The following BCAS3 variants were observed in gnomAD, a reference collection of about 807,000 sequenced individuals.
BCAS3 encodes the protein BCAS4/BCAS3 fusion.
In BCAS3, 53 loss-of-function variants were observed where a neutral mutation model predicts 116.1. That is an observed-to-expected ratio of 0.46 (90% confidence interval 0.37 to 0.57). BCAS3 has a LOEUF of 0.57. Among genes scored for constraint, BCAS3 ranks in the 20% least tolerant of loss-of-function variants. The probability of loss-of-function intolerance (pLI) is 0.00; values close to 1 mark genes in which losing one functional copy is unlikely to be tolerated. For synonymous variants in BCAS3, 391 were observed against 408.2 expected, an observed-to-expected ratio of 0.96 and a Z score of 0.51; for missense variants, 917 against 1,165.4, an observed-to-expected ratio of 0.79 and a Z score of 3.10.
Position 61,390,303 on chromosome 17 carries a change from C to A in BCAS3, c.2594-1674C>A, listed in dbSNP as rs2060069280. 6.6e-6 allele frequency: 1 copy of A among 152,282 alleles called. No homozygotes were observed. The highest frequency in any genetic ancestry group is 2.4e-5 in the African/African-American group (1 of 41,438). The allele number at this position is 152,282 out of a possible 1,614,324, so 9.4% of individuals were successfully genotyped here. A position where few individuals can be genotyped will look rare whatever the true frequency, so the allele number is the denominator to read the frequency against. ...CCATCTCATGGCACGATGGCCTGTC[C>A]CCCCAGATTAGGGTGATACTGAAGG... is the stretch of plus-strand genomic sequence containing the variant. On this transcript the variant is annotated intron_variant, in intron 23 of 23. Transcript: ENST00000407086. The surrounding 1 kb of genome is among the most constrained non-coding windows in gnomAD (Gnocchi z 6.8).
rs2071596816 is a variant in BCAS3 at position 61,073,155 on chromosome 17, T to G, written c.2030-1765T>G. On this transcript the variant is annotated intron_variant, in intron 19 of 23. Transcript: ENST00000407086. The surrounding 1 kb of genome is among the most constrained non-coding windows in gnomAD (Gnocchi z 4.6). ...TGAAATAATAGTTATTGTGATATTC[T>G]TTTCTTCTTGATATAATTTGTCATC... Among the ~76,000 whole-genome samples the G allele has an allele frequency of 6.6e-6, 1 of 152,232 alleles. No homozygotes were observed. Among genetic ancestry groups the G allele is most frequent in the African/African-American group, 2.4e-5 (1 of 41,464 alleles).
chr17:61,180,677 C>T lies in BCAS3; in HGVS notation c.2425+96113C>T, dbSNP rs546274528. On this transcript the variant is annotated intron_variant, in intron 22 of 23. Transcript: ENST00000407086. The surrounding 1 kb of genome is among the most constrained non-coding windows in gnomAD (Gnocchi z 6.0). ...CTGTCTGAGGAGCATCAGTCCCATG[C>T]TTCGTGTCTGCACAGTGGAACATAA... is the stretch of plus-strand genomic sequence containing the variant. Among the ~76,000 whole-genome samples the T allele has an allele frequency of 3.9e-5, 6 of 152,350 alleles. No individual in the cohort carries two copies. Among genetic ancestry groups the T allele is most frequent in the South Asian group, 2.1e-4 (1 of 4,832 alleles).
chr17:60,869,071 A>C (rs1175181780), intron 8 of BCAS3, among the ~76,000 whole-genome samples: 1 of 152,212 alleles, frequency 6.6e-6, no homozygotes, highest in Non-Finnish European at 1.5e-5. Flanking sequence ...GAAACCACCA[A>C]AATTTTTGAA....
intron 12 of BCAS3, among the ~76,000 whole-genome samples, chr17:60,919,058 A>T (rs1344364364): frequency 6.6e-6 from 1 of 152,078 alleles, no homozygotes. Flanking sequence ...GTTCTTTCTT[A>T]TGAGATCTAT....
chr17:60,976,020 C>CTTTTTTTTT lies in BCAS3; in HGVS notation c.1222-13939_1222-13931dup, dbSNP rs755966067. ...GCAAACATTTGTATATAGATTTTTGCTTTTTTTTTTTTTTTTTTTTCTTTT... is the reference window on the plus strand; with the variant it reads ...GCAAACATTTGTATATAGATTTTTGCTTTTTTTTTTTTTTTTTTTTTTTTTTTTTCTTTT... On this transcript the variant is annotated intron_variant, in intron 14 of 23. Coordinates refer to ENST00000407086, the MANE Select transcript of BCAS3 (RefSeq NM_017679.5). Among the ~76,000 whole-genome samples, 381 of 98,298 alleles carry CTTTTTTTTT rather than the reference C, an allele frequency of 3.9e-3. 16 individuals are homozygous for CTTTTTTTTT. The highest frequency in any genetic ancestry group is 4.9e-3 in the East Asian group (14 of 2,842). The allele number at this position is 98,298 out of a possible 152,430, so 64.5% of individuals were successfully genotyped here. A position where few individuals can be genotyped will look rare whatever the true frequency, so the allele number is the denominator to read the frequency against.
chr17:61,083,684 T>C lies in BCAS3; in HGVS notation c.2328-783T>C, dbSNP rs552182903. Among the ~76,000 whole-genome samples, 6 of 151,368 alleles carry C rather than the reference T, an allele frequency of 4.0e-5. No individual in the cohort carries two copies. The highest frequency in any genetic ancestry group is 7.3e-5 in the African/African-American group (3 of 41,288). ...GATCTTGGCTCATTGCAACCTCTGG[T>C]TTTTGGGTTCCAGCAGTTCTCCTGC... On this transcript the variant is annotated intron_variant, in intron 21 of 23. Coordinates refer to ENST00000407086, the MANE Select transcript of BCAS3 (RefSeq NM_017679.5). The surrounding 1 kb of genome is among the most constrained non-coding windows in gnomAD (Gnocchi z 4.9).
At chr17:61,046,801 G>T (rs2059993525) in intron 19 of BCAS3, among the ~76,000 whole-genome samples, 1 of 151,792 alleles carries the variant, frequency 6.6e-6, no homozygotes, top group African/African-American at 2.4e-5. Context: ...TGTGTGTTTG[G>T]ATCTGTGGAT....
rs1274236501 is a variant in BCAS3, at chr17:61,220,473, T to C, written c.2425+135909T>C. Among the ~76,000 whole-genome samples, 1 of 152,196 alleles carries C rather than the reference T, an allele frequency of 6.6e-6. No individual in the cohort carries two copies. The highest frequency in any genetic ancestry group is 6.5e-5 in the Admixed American group (1 of 15,284). ...TTGGTTCCATTATTTGATCTTCAGA[T>C]TCAACAAAGTAGCCGAATTCTCAAC... is the stretch of plus-strand genomic sequence containing the variant. On this transcript the variant is annotated intron_variant, in intron 22 of 23. Coordinates refer to ENST00000407086, the MANE Select transcript of BCAS3 (RefSeq NM_017679.5). This position sits in a 1 kb window ranked among gnomAD's most constrained non-coding sequence, Gnocchi z 4.5.
intron 7 of BCAS3, among the ~76,000 whole-genome samples, chr17:60,855,592 C>T (rs912945196): frequency 6.6e-6 from 1 of 150,894 alleles, no homozygotes; most frequent in African/African-American, 2.4e-5. Context: ...ATAGCTGGGA[C>T]TACAGGTGTG....
chr17:61,180,988 T>A lies in BCAS3; in HGVS notation c.2425+96424T>A, dbSNP rs1568522342. ...ATCTTAGCACTTTGGGAGGCTGGGG[T>A]GGGGGGATCACTTGAGCCCAAGAGT... On this transcript the variant is annotated intron_variant, in intron 22 of 23. Coordinates refer to ENST00000407086, the MANE Select transcript of BCAS3 (RefSeq NM_017679.5). The surrounding 1 kb of genome is among the most constrained non-coding windows in gnomAD (Gnocchi z 6.0). 6.6e-6 allele frequency among the ~76,000 whole-genome samples: 1 copy of A among 151,466 alleles called. No homozygotes were observed. Among genetic ancestry groups the A allele is most frequent in the Admixed American group, 6.6e-5 (1 of 15,184 alleles).
chr17:61,299,725 C>T (rs1046730814), intron 22 of BCAS3, among the ~76,000 whole-genome samples: 1 of 152,160 alleles, frequency 6.6e-6, no homozygotes, highest in Non-Finnish European at 1.5e-5. Context: ...GGATTAGGAA[C>T]AATCCAGGTG....
At chr17:60,941,248 A>C (rs2060206827) in intron 13 of BCAS3, among the ~76,000 whole-genome samples, 2 of 152,312 alleles carry the variant, frequency 1.3e-5, no homozygotes, top group African/African-American at 4.8e-5. Context: ...TTGTATTCCC[A>C]GATGACGCAA....
At chr17:60,911,789 A>T (rs2058529601) in intron 12 of BCAS3, among the ~76,000 whole-genome samples, 3 of 152,254 alleles carry the variant, frequency 2.0e-5, no homozygotes, top group Admixed American at 2.0e-4. Context: ...ATTTATAAAC[A>T]AATTAATTAA....
intron 14 of BCAS3, among the ~76,000 whole-genome samples, chr17:60,951,783 T>C (rs1262341121): frequency 6.8e-6 from 1 of 146,790 alleles, no homozygotes; most frequent in African/African-American, 2.5e-5. Flanking sequence ...TTTTTTTTTT[T>C]TTTCTTTGGA....
At chr17:60,935,801 T>G (rs895986631) in intron 13 of BCAS3, among the ~76,000 whole-genome samples, 2 of 152,186 alleles carry the variant, frequency 1.3e-5, no homozygotes, top group Non-Finnish European at 2.9e-5. Flanking sequence ...TATTTTCATT[T>G]AAGTACTATG....
chr17:60,849,386 G>C (rs1176390787), intron 7 of BCAS3, among the ~76,000 whole-genome samples: 4 of 151,328 alleles, frequency 2.6e-5, no homozygotes, highest in Admixed American at 1.3e-4. Context: ...GCATGAACTA[G>C]TCTATTTATA....
rs1245456766 is a variant in BCAS3, at chr17:61,226,110, G to T, written c.2425+141546G>T. ...GTCGAGAGTCCCAGCTGCTTGGGGG[G>T]CTAAGGTGGGAGGATCATTTGAGCC... On this transcript the variant is annotated intron_variant, in intron 22 of 23. Coordinates refer to ENST00000407086, the MANE Select transcript of BCAS3 (RefSeq NM_017679.5). This position sits in a 1 kb window ranked among gnomAD's most constrained non-coding sequence, Gnocchi z 6.0. Among the ~76,000 whole-genome samples the T allele has an allele frequency of 5.3e-5, 8 of 152,160 alleles. No individual in the cohort carries two copies. Among genetic ancestry groups the T allele is most frequent in the Admixed American group, 4.6e-4 (7 of 15,280 alleles).
intron 6 of BCAS3, among the ~76,000 whole-genome samples, chr17:60,753,058 A>G (rs750643402): frequency 2.0e-5 from 3 of 152,112 alleles, no homozygotes; most frequent in Non-Finnish European, 4.4e-5. Context: ...TGCCCAGGCT[A>G]GTCTTGAACC....
chr17:61,305,356 CA>C (rs933151119), intron 22 of BCAS3, among the ~76,000 whole-genome samples: 7 of 152,136 alleles, frequency 4.6e-5, no homozygotes, highest in Middle Eastern at 3.4e-3. Context: ...GAGCCCAAAG[CA>C]GTAGTGAGCC....
Sources: allele counts gnomAD v4.1 joint callset (sites outside exome capture counted in the v4.1 genomes callset), GRCh38; gene constraint gnomAD v4.1.1; non-coding constraint Gnocchi (gnomAD v3.1); transcripts MANE v1.5; gene names NCBI Gene and HGNC (gene_info 2026-07-23, HGNC 2026-07-21).